SPATA9: variants seen among roughly 807,000 people sequenced by gnomAD.
The protein encoded by SPATA9 is spermatogenesis associated 9.
SPATA9 carries 27 observed loss-of-function variants against 25.5 expected under a neutral mutation model. That is an observed-to-expected ratio of 1.06 (90% CI 0.78 to 1.46). SPATA9 has a LOEUF of 1.46. Ranked by LOEUF, SPATA9 falls within the 40% of genes most tolerant of loss-of-function variation. The probability of loss-of-function intolerance (pLI) is 0.00; values close to 1 mark genes in which losing one functional copy is unlikely to be tolerated. For synonymous variants in SPATA9, 102 were observed against 105.7 expected, an observed-to-expected ratio of 0.97 and a Z score of 0.21; for missense variants, 282 against 297.5, an observed-to-expected ratio of 0.95 and a Z score of 0.38.
chr5:95,676,205 A>C (rs1397012079), intron 2 of SPATA9, among the ~76,000 whole-genome samples: 1 of 152,056 alleles, frequency 6.6e-6, no homozygotes, highest in African/African-American at 2.4e-5. Flanking sequence ...CAAATGTTTC[A>C]TTTTCCTCCT....
At chr5:95,664,632 G>A (rs1751582871) in intron 3 of SPATA9, among the ~76,000 whole-genome samples, 1 of 152,148 alleles carries the variant, frequency 6.6e-6, no homozygotes, top group Non-Finnish European at 1.5e-5. Context: ...TCTGGCAGTA[G>A]GTGTACCGGC....
chr5:95,675,623 T>C lies in SPATA9; in HGVS notation c.167A>G (p.Gln56Arg). The change falls in exon 3 of 5, where the codon CAG (glutamine) becomes CGG (arginine). Residue 56 changes from glutamine (Q) to arginine (R), a missense_variant. Transcript: ENST00000274432. ...SQSNQKREPAQKTSKIRMAIA... is the reference protein window; with the variant it reads ...SQSNQKREPARKTSKIRMAIA... ...AGCCATCCTGATTTTGGATGTTTTC[T>C]GCGCAGGTTCTCTTTTCTGAAAAAT... The C allele has an allele frequency of 6.2e-7, 1 of 1,614,152 alleles. No individual in the cohort carries two copies. Among genetic ancestry groups the C allele is most frequent in the Non-Finnish European group, 8.5e-7 (1 of 1,180,014 alleles).
chr5:95,726,937 A>G, the SPATA9 span, among the ~76,000 whole-genome samples: 1 of 151,990 alleles, frequency 6.6e-6, no homozygotes, highest in Non-Finnish European at 1.5e-5. Context: ...AACATTAACT[A>G]GTAGTAAAGC....
the SPATA9 span, among the ~76,000 whole-genome samples, chr5:95,709,654 A>G: frequency 1.3e-5 from 2 of 152,180 alleles, no homozygotes; most frequent in Non-Finnish European, 2.9e-5. Flanking sequence ...TAAGAACTTA[A>G]CTACCGTATT....
chr5:95,654,031 T>C (rs768198574), downstream of SPATA9: 4 of 1,593,356 alleles, frequency 2.5e-6, no homozygotes, highest in Admixed American at 1.7e-5. Flanking sequence ...TGAATACTTC[T>C]TGTAACTTTC....
chr5:95,710,852 G>A, the SPATA9 span, among the ~76,000 whole-genome samples: 147 of 152,226 alleles, frequency 9.7e-4, 1 homozygote, highest in East Asian at 0.027. Flanking sequence ...CAAACTCTTG[G>A]TTGTCAAAAA....
intron 4 of SPATA9, among the ~76,000 whole-genome samples, chr5:95,660,086 C>G (rs1751127459): frequency 6.6e-6 from 1 of 152,078 alleles, no homozygotes; most frequent in South Asian, 2.1e-4. Flanking sequence ...ATACCATGAA[C>G]TGAGTAGCTT....
At chr5:95,680,838 A>C (rs189395587) in intron 2 of SPATA9, among the ~76,000 whole-genome samples, 1 of 152,286 alleles carries the variant, frequency 6.6e-6, no homozygotes. Flanking sequence ...ACTGTGATCC[A>C]ATCAAACTCA....
the SPATA9 span, among the ~76,000 whole-genome samples, chr5:95,715,435 T>C: frequency 1.9e-4 from 29 of 151,798 alleles, no homozygotes; most frequent in Admixed American, 1.6e-3. Flanking sequence ...AGTAGACGAA[T>C]AGAAAAGCAC....
At chr5:95,693,671 A>G (rs747241303) in intron 1 of SPATA9, among the ~76,000 whole-genome samples, 2 of 152,196 alleles carry the variant, frequency 1.3e-5, no homozygotes, top group Non-Finnish European at 2.9e-5. Flanking sequence ...TTAACTATAT[A>G]TAATATTAAA....
chr5:95,727,419 G>T, the SPATA9 span, among the ~76,000 whole-genome samples: 1 of 152,174 alleles, frequency 6.6e-6, no homozygotes, highest in Non-Finnish European at 1.5e-5. Context: ...ACAATTTGGG[G>T]ACTAGTAATA....
At position 95,658,931 on chromosome 5, in the gene SPATA9, T is replaced by A; in HGVS notation, c.475-18A>T. ...CAGACTGCCTATACAATAAAAAGAG[T>A]TTGTAAAGTGAAGTTTCTTTTTAAG... is the stretch of plus-strand genomic sequence containing the variant. On this transcript the variant is annotated intron_variant, in intron 4 of 4. Coordinates refer to ENST00000274432, the MANE Select transcript of SPATA9 (RefSeq NM_031952.4). 3.8e-6 allele frequency: 6 copies of A among 1,564,996 alleles called. No individual in the cohort carries two copies. Among genetic ancestry groups the A allele is most frequent in the Non-Finnish European group, 5.2e-6 (6 of 1,160,088 alleles).
the SPATA9 span, among the ~76,000 whole-genome samples, chr5:95,728,489 A>C: frequency 6.6e-6 from 1 of 152,238 alleles, no homozygotes; most frequent in Non-Finnish European, 1.5e-5. Flanking sequence ...TGACACAGAA[A>C]GCACAGATCT....
the SPATA9 span, among the ~76,000 whole-genome samples, chr5:95,726,167 T>A: frequency 6.6e-6 from 1 of 152,360 alleles, no homozygotes. Context: ...TGACTGGAAT[T>A]TTAGCAAAAC....
chr5:95,731,293 A>T, the SPATA9 span: 5 of 1,029,830 alleles, frequency 4.9e-6, no homozygotes, highest in African/African-American at 1.7e-5. Flanking sequence ...GATCTCCCCG[A>T]CCCCCCTTCT....
At chr5:95,660,321 C>A (rs1481667888) in intron 4 of SPATA9, among the ~76,000 whole-genome samples, 1 of 152,110 alleles carries the variant, frequency 6.6e-6, no homozygotes, top group African/African-American at 2.4e-5. Flanking sequence ...TAATCACTTC[C>A]CAAAGGCCCC....
upstream of SPATA9, chr5:95,698,776 A>G (rs1179166948): frequency 2.0e-5 from 3 of 152,218 alleles, no homozygotes; most frequent in Non-Finnish European, 4.4e-5. Flanking sequence ...CATTTGGTTT[A>G]TTACATCGAA....
Position 95,675,458 on chromosome 5 carries a change from A to T in SPATA9, c.332T>A (p.Leu111Gln). Reference sequence around the variant, plus strand: ...CCTCGGCGCATTAACTTCCCTCAGCAGACGACCAGATATGTCCCTTAGCTC... The same window carrying T: ...CCTCGGCGCATTAACTTCCCTCAGCTGACGACCAGATATGTCCCTTAGCTC... ...LLELRDISGR[L>Q]LREVNAPRQP... Residue 111 changes from leucine (L) to glutamine (Q), a missense_variant, in exon 3 of 5, where the codon CTG becomes CAG. By Grantham distance (113) the Leu-to-Gln change is moderately radical. Coordinates refer to ENST00000274432, the MANE Select transcript of SPATA9 (RefSeq NM_031952.4). 6.2e-7 allele frequency: 1 copy of T among 1,614,210 alleles called. No homozygotes were observed. Among genetic ancestry groups the T allele is most frequent in the East Asian group, 2.2e-5 (1 of 44,888 alleles).
At chr5:95,670,437 A>G (rs1407006055) in intron 3 of SPATA9, 1 of 152,138 alleles carries the variant, frequency 6.6e-6, no homozygotes, top group Non-Finnish European at 1.5e-5. Context: ...GCATTTTTTC[A>G]TCATTTGTCA....
Sources: allele counts gnomAD v4.1 joint callset (sites outside exome capture counted in the v4.1 genomes callset), GRCh38; gene constraint gnomAD v4.1.1; transcripts MANE v1.5; gene names NCBI Gene and HGNC (gene_info 2026-07-23, HGNC 2026-07-21).